Variants in FBXW11 observed in about 807,000 individuals in gnomAD.
FBXW11 encodes F-box and WD repeat domain containing 11, also known as F-box/WD repeat-containing protein 11.
A neutral mutation model predicts 77.6 loss-of-function variants in FBXW11; 19 were observed. The ratio of observed to expected loss-of-function variants is 0.24; its 90% CI spans 0.17 to 0.36. FBXW11 has a LOEUF of 0.36. Among genes scored for constraint, FBXW11 ranks in the 10% least tolerant of loss-of-function variants. FBXW11 has a pLI of 1.00. For missense variants in FBXW11, 334 were observed against 704.2 expected, an observed-to-expected ratio of 0.47 and a Z score of 5.95; for synonymous variants, 235 against 249.4, an observed-to-expected ratio of 0.94 and a Z score of 0.54.
Position 171,955,080 on chromosome 5 carries a change from G to A in FBXW11, c.147+2517C>T, listed in dbSNP as rs1763539468. ...TTGTCATAAAGCTAATATATGTGAA[G>A]CACCATGTAACAGTTGGTAATGAGT... On this transcript the variant is annotated intron_variant, in intron 2 of 13. Transcript: ENST00000517395. 5.3e-5 allele frequency among the ~76,000 whole-genome samples: 8 copies of A among 152,212 alleles called. No individual in the cohort carries two copies. The South Asian group carries it at 1.7e-3, about 32-fold the overall frequency.
intron 4 of FBXW11, among the ~76,000 whole-genome samples, chr5:171,901,396 G>A (rs1453299298): frequency 6.6e-6 from 1 of 152,122 alleles, no homozygotes; most frequent in East Asian, 1.9e-4. Flanking sequence ...ACTTGATTCT[G>A]AAAATATCAA....
At chr5:171,953,623 C>T (rs551181844) in intron 2 of FBXW11, among the ~76,000 whole-genome samples, 1 of 152,072 alleles carries the variant, frequency 6.6e-6, no homozygotes, top group East Asian at 1.9e-4. Flanking sequence ...GGATTTCATA[C>T]CCCCCAAGAG....
At chr5:171,980,104 C>G (rs1218989483) in intron 1 of FBXW11, among the ~76,000 whole-genome samples, 1 of 152,210 alleles carries the variant, frequency 6.6e-6, no homozygotes, top group Non-Finnish European at 1.5e-5. Flanking sequence ...AGGGCAAATA[C>G]TTAAGCTAAA....
At chr5:171,937,959 T>C (rs1007118331) in intron 2 of FBXW11, among the ~76,000 whole-genome samples, 3 of 152,036 alleles carry the variant, frequency 2.0e-5, no homozygotes, top group Admixed American at 6.6e-5. Flanking sequence ...TTGCAGCCTA[T>C]GTCACAAATA....
At chr5:171,952,447 ATT>A (rs1164383563) in intron 2 of FBXW11, among the ~76,000 whole-genome samples, 16 of 6,944 alleles carry the variant, frequency 2.3e-3, no homozygotes, top group African/African-American at 5.1e-3. Flanking sequence ...ATATATATAT[ATT>A]TTTTTTTTTT....
chr5:171,983,092 C>T (rs1244566547), intron 1 of FBXW11, among the ~76,000 whole-genome samples: 3 of 152,130 alleles, frequency 2.0e-5, no homozygotes, highest in African/African-American at 7.2e-5. Flanking sequence ...ACTCAGGAGA[C>T]TGAGGCAGGA....
intron 2 of FBXW11, among the ~76,000 whole-genome samples, chr5:171,949,300 T>C (rs1763185684): frequency 6.6e-6 from 1 of 152,272 alleles, no homozygotes; most frequent in South Asian, 2.1e-4. Context: ...CATGCGCATA[T>C]GATATCAAAT....
At chr5:171,936,359 C>A (rs1762482581) in intron 2 of FBXW11, among the ~76,000 whole-genome samples, 1 of 151,464 alleles carries the variant, frequency 6.6e-6, no homozygotes, top group Non-Finnish European at 1.5e-5. Context: ...GATGTGGTAG[C>A]CCGCACCTGT....
intron 13 of FBXW11, chr5:171,867,874 A>T (rs1429676856): frequency 6.6e-6 from 1 of 152,218 alleles, no homozygotes; most frequent in Admixed American, 6.5e-5. Flanking sequence ...TACAAAGTTT[A>T]ATGTGTATAG....
At chr5:171,909,100 T>G (rs761045029) in intron 4 of FBXW11, among the ~76,000 whole-genome samples, 2 of 152,156 alleles carry the variant, frequency 1.3e-5, no homozygotes, top group African/African-American at 4.8e-5. Context: ...CAAATTTAAA[T>G]TGAGAATTTT....
At chr5:171,957,184 G>C (rs1292083083) in intron 2 of FBXW11, among the ~76,000 whole-genome samples, 2 of 152,140 alleles carry the variant, frequency 1.3e-5, no homozygotes, top group Non-Finnish European at 2.9e-5. Context: ...AGAGGGGAGA[G>C]AAAGCAAGCC....
At chr5:171,989,498 T>G (rs1765620921) in intron 1 of FBXW11, among the ~76,000 whole-genome samples, 1 of 152,270 alleles carries the variant, frequency 6.6e-6, no homozygotes, top group Non-Finnish European at 1.5e-5. Flanking sequence ...TTAACCTGGA[T>G]GCATCTCAAT....
At chr5:171,882,649 A>G (rs1430883475) in intron 7 of FBXW11, among the ~76,000 whole-genome samples, 1 of 152,062 alleles carries the variant, frequency 6.6e-6, no homozygotes, top group African/African-American at 2.4e-5. Flanking sequence ...TCTTTGATCC[A>G]TGTGCTATTT....
chr5:171,997,972 T>C (rs1052399136), intron 1 of FBXW11, among the ~76,000 whole-genome samples: 44 of 152,210 alleles, frequency 2.9e-4, no homozygotes, highest in African/African-American at 1.1e-3. Flanking sequence ...GCCCTTTACA[T>C]TAATTACCCA....
intron 1 of FBXW11, among the ~76,000 whole-genome samples, chr5:171,976,162 T>C (rs969223643): frequency 3.3e-5 from 5 of 152,152 alleles, no homozygotes; most frequent in Non-Finnish European, 5.9e-5. Flanking sequence ...GATAAAACTA[T>C]CTGGACGACT....
intron 2 of FBXW11, among the ~76,000 whole-genome samples, chr5:171,949,007 C>G (rs1763166051): frequency 6.6e-6 from 1 of 152,196 alleles, no homozygotes. Flanking sequence ...GTTTTTCCTG[C>G]TGCTTCAAAT....
At chr5:171,995,614 C>T (rs886445086) in intron 1 of FBXW11, among the ~76,000 whole-genome samples, 6 of 151,906 alleles carry the variant, frequency 3.9e-5, no homozygotes, top group Admixed American at 2.6e-4. Flanking sequence ...ATTAGCTGGG[C>T]GTGGTGGTGG....
At chr5:171,896,516 C>T (rs1019176629) in intron 6 of FBXW11, among the ~76,000 whole-genome samples, 1 of 152,120 alleles carries the variant, frequency 6.6e-6, no homozygotes, top group Admixed American at 6.6e-5. Context: ...GAGGCAAAGG[C>T]CACCTTGAAA....
At chr5:171,998,632 A>G (rs1307520958) in intron 1 of FBXW11, among the ~76,000 whole-genome samples, 4 of 151,560 alleles carry the variant, frequency 2.6e-5, no homozygotes, top group Non-Finnish European at 5.9e-5. Context: ...CCCCATCTCT[A>G]CTAAAAGTAC....
Sources: gnomAD v4.1 joint callset for allele counts (sites outside exome capture counted in the v4.1 genomes callset) on GRCh38, gnomAD v4.1.1 for gene constraint, MANE v1.5 for transcripts, NCBI Gene and HGNC (gene_info 2026-07-23, HGNC 2026-07-21) for gene names.